The following GMDS variants were observed in gnomAD, a reference collection of about 807,000 sequenced individuals.
GMDS encodes the protein GDP-mannose 4,6 dehydratase.
GMDS carries 20 observed loss-of-function variants against 49.9 expected under a neutral mutation model. That is an observed-to-expected ratio of 0.40 (90% CI 0.28 to 0.58). The LOEUF (loss-of-function observed/expected upper bound fraction) is 0.58, where lower values mean the gene tolerates loss of function less well. Among genes scored for constraint, GMDS ranks in the 20% least tolerant of loss-of-function variants. The probability of loss-of-function intolerance (pLI) is 0.42; values close to 1 mark genes in which losing one functional copy is unlikely to be tolerated. For missense variants in GMDS, 362 were observed against 481.4 expected (o/e 0.75, Z 2.32); for synonymous variants, 177 against 178.6 (o/e 0.99, Z 0.07).
At position 1,738,975 on chromosome 6, in the gene GMDS, AG is replaced by A. The variant is rs146477269; in HGVS notation, c.890+3492del. 4.2e-3 allele frequency among the ~76,000 whole-genome samples: 637 copies of A among 152,326 alleles called. 4 individuals are homozygous for A. Among genetic ancestry groups the A allele is most frequent in the African/African-American group, 0.015 (613 of 41,574 alleles). ...CAGGATGACAGTGGGTGTTTCTGGG[AG>A]GACTTTCTGGATAAGCTGGCTTTTG... On this transcript the variant is annotated intron_variant, in intron 8 of 10. Coordinates refer to ENST00000380815, the MANE Select transcript of GMDS (RefSeq NM_001500.4).
chr6:1,920,948 C>T (rs770775153), intron 7 of GMDS, among the ~76,000 whole-genome samples: 2 of 152,190 alleles, frequency 1.3e-5, no homozygotes, highest in South Asian at 2.1e-4. Flanking sequence ...AGCACCATGA[C>T]TTTCTTAAGT....
At chr6:2,147,608 C>CTA (rs1165789696) in intron 1 of GMDS, among the ~76,000 whole-genome samples, 2 of 151,856 alleles carry the variant, frequency 1.3e-5, no homozygotes, top group Non-Finnish European at 2.9e-5. Flanking sequence ...GATCATCACT[C>CTA]TAGAGTCCCC....
At chr6:2,171,959 C>T (rs1315136187) in intron 1 of GMDS, among the ~76,000 whole-genome samples, 2 of 152,088 alleles carry the variant, frequency 1.3e-5, no homozygotes, top group Non-Finnish European at 2.9e-5. Context: ...AAACAACTCA[C>T]GTGGCCGGCT....
intron 9 of GMDS, among the ~76,000 whole-genome samples, chr6:1,671,666 C>CTTTT (rs35355483): frequency 1.5e-5 from 2 of 132,816 alleles, no homozygotes; most frequent in Non-Finnish European, 3.2e-5. Flanking sequence ...CTTTTAATTA[C>CTTTT]TTTTTTTTTT....
At chr6:1,866,399 G>C (rs901382698) in intron 7 of GMDS, among the ~76,000 whole-genome samples, 2 of 152,190 alleles carry the variant, frequency 1.3e-5, no homozygotes, top group Non-Finnish European at 2.9e-5. Flanking sequence ...GGGAAAAAAG[G>C]CTTAAAAATG....
chr6:2,043,261 T>C (rs1769794557), intron 4 of GMDS: 1 of 152,286 alleles, frequency 6.6e-6, no homozygotes, highest in Non-Finnish European at 1.5e-5. Flanking sequence ...AATCCTCAGT[T>C]TTCCTGTCCC....
intron 7 of GMDS, among the ~76,000 whole-genome samples, chr6:1,760,343 G>C (rs981976096): frequency 6.6e-6 from 1 of 152,182 alleles, no homozygotes; most frequent in African/African-American, 2.4e-5. Flanking sequence ...GTATTCAGTG[G>C]TAAGAAGGGA....
At chr6:1,798,241 A>G (rs113476578) in intron 7 of GMDS, among the ~76,000 whole-genome samples, 4 of 10,438 alleles carry the variant, frequency 3.8e-4, no homozygotes, top group East Asian at 0.012. Context: ...TACAGAGCAC[A>G]CACACACACA....
intron 4 of GMDS, among the ~76,000 whole-genome samples, chr6:2,109,083 G>GA (rs1443458788): frequency 6.6e-6 from 1 of 152,194 alleles, no homozygotes; most frequent in Non-Finnish European, 1.5e-5. Flanking sequence ...GTCCCAGGCA[G>GA]AAACAGCAAA....
rs552468536 is a variant in GMDS at position 1,852,052 on chromosome 6, C to T, written c.771+78051G>A. 6.6e-5 allele frequency among the ~76,000 whole-genome samples: 10 copies of T among 152,348 alleles called. No homozygotes were observed. In the East Asian group the frequency reaches 1.5e-3, roughly 24 times the overall value. ...AAGGGAGCGAGAAAGAGATGCAGAA[C>T]GTGTTTCTGGACAGTGCCATCTACT... is the stretch of plus-strand genomic sequence containing the variant. On this transcript the variant is annotated intron_variant, in intron 7 of 10. Transcript: ENST00000380815.
chr6:1,712,170 A>C (rs1015099698), intron 9 of GMDS, among the ~76,000 whole-genome samples: 3 of 152,226 alleles, frequency 2.0e-5, no homozygotes, highest in African/African-American at 7.2e-5. Flanking sequence ...CTGGAAAATT[A>C]AGTCAGATTA....
intron 6 of GMDS, among the ~76,000 whole-genome samples, chr6:1,957,906 A>C (rs533721320): frequency 6.6e-6 from 1 of 151,984 alleles, no homozygotes; most frequent in Non-Finnish European, 1.5e-5. Context: ...GGGCTCAAAG[A>C]ATCTTCCCAA....
At chr6:2,023,118 A>C (rs1768375409) in intron 4 of GMDS, among the ~76,000 whole-genome samples, 1 of 152,188 alleles carries the variant, frequency 6.6e-6, no homozygotes, top group African/African-American at 2.4e-5. Flanking sequence ...GGCATTTTTC[A>C]AATAGCTGGC....
At chr6:2,141,214 C>T (rs1361489035) in intron 1 of GMDS, among the ~76,000 whole-genome samples, 1 of 152,176 alleles carries the variant, frequency 6.6e-6, no homozygotes, top group African/African-American at 2.4e-5. Context: ...TGCCCATGGG[C>T]ATCTGCAGTA....
intron 7 of GMDS, among the ~76,000 whole-genome samples, chr6:1,907,815 C>A (rs1472457206): frequency 6.6e-6 from 1 of 152,124 alleles, no homozygotes; most frequent in Non-Finnish European, 1.5e-5. Flanking sequence ...CAATAACTGG[C>A]CAATAAATGA....
At chr6:1,842,960 A>C (rs1357774576) in intron 7 of GMDS, among the ~76,000 whole-genome samples, 1 of 151,876 alleles carries the variant, frequency 6.6e-6, no homozygotes, top group Non-Finnish European at 1.5e-5. Context: ...ACCAAAAATT[A>C]GCTGGACATG....
chr6:1,871,193 C>T (rs777582425), intron 7 of GMDS, among the ~76,000 whole-genome samples: 2 of 152,082 alleles, frequency 1.3e-5, no homozygotes, highest in African/African-American at 4.8e-5. Flanking sequence ...GCTGGGGGAC[C>T]CTCCAGCTGG....
intron 1 of GMDS, among the ~76,000 whole-genome samples, chr6:2,214,670 T>C (rs1780238350): frequency 6.6e-6 from 1 of 152,150 alleles, no homozygotes; most frequent in South Asian, 2.1e-4. Context: ...AGCTTCTTTT[T>C]TTACATAAAT....
chr6:1,689,478 A>T (rs550145528), intron 9 of GMDS, among the ~76,000 whole-genome samples: 1 of 152,354 alleles, frequency 6.6e-6, no homozygotes, highest in East Asian at 1.9e-4. Flanking sequence ...TGGAACTGAA[A>T]TAGAGATATA....
Sources: gnomAD v4.1 joint callset for allele counts (sites outside exome capture counted in the v4.1 genomes callset) on GRCh38, gnomAD v4.1.1 for gene constraint, MANE v1.5 for transcripts, NCBI Gene and HGNC (gene_info 2026-07-23, HGNC 2026-07-21) for gene names.